The following CACNA2D3 variants were observed in gnomAD, a reference collection of about 807,000 sequenced individuals.
CACNA2D3 encodes voltage-dependent calcium channel subunit alpha-2/delta-3.
CACNA2D3 carries 60 observed loss-of-function variants against 160.6 expected under a neutral mutation model. That is an observed-to-expected ratio of 0.37 (90% CI 0.30 to 0.46). The LOEUF (loss-of-function observed/expected upper bound fraction) is 0.46, where lower values mean the gene tolerates loss of function less well. Ranked by LOEUF, CACNA2D3 falls within the 20% of genes least tolerant of loss-of-function variation. CACNA2D3 has a pLI of 1.00. For synonymous variants in CACNA2D3, 558 were observed against 492.9 expected (o/e 1.13, Z -1.75); for missense variants, 1,205 against 1,365.0 (o/e 0.88, Z 1.85).
In CACNA2D3 at chr3:54,733,783, C is replaced by G. The variant is rs80058874; in HGVS notation, c.1168-18816C>G. ...GGCAGTATAATAATTGTAGCACTGACTACCCTAACCTGACAGCCAGAGCAG... is the reference window on the plus strand; with the variant it reads ...GGCAGTATAATAATTGTAGCACTGAGTACCCTAACCTGACAGCCAGAGCAG... On this transcript the variant is annotated intron_variant, in intron 11 of 37. Transcript: ENST00000474759. Among the ~76,000 whole-genome samples, 478 of 152,278 alleles carry G rather than the reference C, an allele frequency of 3.1e-3. 3 individuals are homozygous for G. The highest frequency in any genetic ancestry group is 0.011 in the African/African-American group (438 of 41,548).
intron 11 of CACNA2D3, among the ~76,000 whole-genome samples, chr3:54,644,717 A>C (rs1413629842): frequency 6.6e-6 from 1 of 152,244 alleles, no homozygotes; most frequent in Non-Finnish European, 1.5e-5. Context: ...GGATCACCCG[A>C]GGGCTTGTTC....
intron 13 of CACNA2D3, among the ~76,000 whole-genome samples, chr3:54,814,617 C>T (rs1418348554): frequency 6.6e-6 from 1 of 152,200 alleles, no homozygotes; most frequent in Non-Finnish European, 1.5e-5. Flanking sequence ...TTTAAAAGCT[C>T]CAGTAGGAAA....
chr3:55,010,263 G>C (rs72866947), intron 34 of CACNA2D3, among the ~76,000 whole-genome samples: 20,870 of 151,912 alleles, frequency 0.14, 1,821 homozygotes, highest in African/African-American at 0.24. Flanking sequence ...GGGTGAGGAT[G>C]AAAAAACTAC....
chr3:54,288,904 T>C (rs1246443518), intron 2 of CACNA2D3, among the ~76,000 whole-genome samples: 3 of 152,318 alleles, frequency 2.0e-5, no homozygotes, highest in African/African-American at 4.8e-5. Flanking sequence ...AAATTAGGTA[T>C]TGATGGGACG....
rs1559469456 is a variant in CACNA2D3, at chr3:55,033,748, T to TATTAAATATATTTTATATAATATGTATTA, written c.2987+15431_2987+15432insATTAAATATATTTTATATAATATGTATTA. Among the ~76,000 whole-genome samples the TATTAAATATATTTTATATAATATGTATTA allele has an allele frequency of 1.9e-3, 154 of 79,578 alleles. 8 individuals carry two copies. The highest frequency in any genetic ancestry group is 4.7e-3 in the African/African-American group (112 of 23,958). The allele number at this position is 79,578 out of a possible 152,430, so 52.2% of individuals were successfully genotyped here. On this transcript the variant is annotated intron_variant, in intron 35 of 37. Coordinates refer to ENST00000474759, the MANE Select transcript of CACNA2D3 (RefSeq NM_018398.3). Reference sequence around the variant, plus strand: ...TTAAATATATTTTATATAATATATATTATATTAAATATATATTATATAATA... The same window carrying TATTAAATATATTTTATATAATATGTATTA: ...TTAAATATATTTTATATAATATATATATTAAATATATTTTATATAATATGTATTATATATTAAATATATATTATATAATA...
intron 13 of CACNA2D3, among the ~76,000 whole-genome samples, chr3:54,797,640 G>T (rs1702893838): frequency 6.6e-6 from 1 of 152,112 alleles, no homozygotes; most frequent in Non-Finnish European, 1.5e-5. Flanking sequence ...ACATAGCAAA[G>T]CACAAAACAT....
chr3:54,274,739 G>T (rs138678793), intron 2 of CACNA2D3, among the ~76,000 whole-genome samples: 6 of 152,174 alleles, frequency 3.9e-5, no homozygotes, highest in Non-Finnish European at 7.3e-5. Flanking sequence ...GCTCGGCTAG[G>T]GGGGAACTGC....
intron 11 of CACNA2D3, among the ~76,000 whole-genome samples, chr3:54,675,535 C>G (rs1415236672): frequency 6.6e-6 from 1 of 152,030 alleles, no homozygotes; most frequent in Admixed American, 6.6e-5. Flanking sequence ...ATCTTCTCTC[C>G]CTGAAGTTCA....
At chr3:54,759,043 A>G (rs1423761011) in intron 12 of CACNA2D3, among the ~76,000 whole-genome samples, 1 of 152,226 alleles carries the variant, frequency 6.6e-6, no homozygotes, top group African/African-American at 2.4e-5. Context: ...AGTAAGGGTA[A>G]TATCTCAGAA....
chr3:54,996,119 TGCCCCACACTG>T (rs1702853267), intron 31 of CACNA2D3, among the ~76,000 whole-genome samples: 1 of 152,234 alleles, frequency 6.6e-6, no homozygotes, highest in Non-Finnish European at 1.5e-5. Context: ...CTCAATGACA[TGCCCCACACTG>T]CCAAGTGCAG....
intron 10 of CACNA2D3, among the ~76,000 whole-genome samples, chr3:54,631,965 G>A (rs1375472426): frequency 6.6e-6 from 1 of 152,202 alleles, no homozygotes; most frequent in Non-Finnish European, 1.5e-5. Flanking sequence ...TGCTCTAAAT[G>A]TCAGGATGCA....
intron 9 of CACNA2D3, among the ~76,000 whole-genome samples, chr3:54,597,310 G>A (rs370041399): frequency 3.1e-4 from 47 of 152,224 alleles, no homozygotes; most frequent in African/African-American, 1.1e-3. Context: ...CAGCTGCAAG[G>A]TCATCTTCCC....
At chr3:54,693,880 A>G (rs1430320463) in intron 11 of CACNA2D3, among the ~76,000 whole-genome samples, 1 of 152,236 alleles carries the variant, frequency 6.6e-6, no homozygotes, top group Non-Finnish European at 1.5e-5. Flanking sequence ...CGATGTGTTT[A>G]TATTTTAAGT....
intron 11 of CACNA2D3, among the ~76,000 whole-genome samples, chr3:54,660,157 CTTTTTATTTT>C (rs1699942518): frequency 1.5e-5 from 2 of 129,408 alleles, no homozygotes; most frequent in African/African-American, 5.7e-5. Flanking sequence ...TTTTTTTTTT[CTTTTTATTTT>C]TTTTTATTTT....
chr3:54,970,020 A>G (rs1368168359), intron 29 of CACNA2D3, among the ~76,000 whole-genome samples, 176 bp downstream of exon 29: 1 of 151,114 alleles, frequency 6.6e-6, no homozygotes, highest in Non-Finnish European at 1.5e-5. Flanking sequence ...TTTGTTCCCC[A>G]CCTCCCATCA....
At chr3:54,627,726 C>A in intron 9 of CACNA2D3, 61 bp from the exon 10 acceptor site, 7 of 997,258 alleles carry the variant, frequency 7.0e-6, no homozygotes. Flanking sequence ...CTAATTCATT[C>A]AAGGTTGGTG....
intron 2 of CACNA2D3, among the ~76,000 whole-genome samples, chr3:54,188,893 T>TA (rs763210444): frequency 1.8e-4 from 28 of 152,362 alleles, no homozygotes; most frequent in Admixed American, 5.9e-4. Flanking sequence ...ACCCCTCTGA[T>TA]ACCATTTGTG....
intron 4 of CACNA2D3, among the ~76,000 whole-genome samples, chr3:54,402,471 A>G (rs1185500786): frequency 6.6e-6 from 1 of 152,220 alleles, no homozygotes; most frequent in African/African-American, 2.4e-5. Flanking sequence ...ACCAAAAAAA[A>G]GAGCAGGGCT....
At chr3:54,880,522 G>C (rs1303683507) in intron 20 of CACNA2D3, among the ~76,000 whole-genome samples, 2 of 152,216 alleles carry the variant, frequency 1.3e-5, no homozygotes, top group Non-Finnish European at 2.9e-5. Context: ...GGGCTTGCTG[G>C]AAGGGCGAGC....
Sources: allele counts gnomAD v4.1 joint callset (sites outside exome capture counted in the v4.1 genomes callset), GRCh38; gene constraint gnomAD v4.1.1; transcripts MANE v1.5; gene names NCBI Gene and HGNC (gene_info 2026-07-23, HGNC 2026-07-21).